Variants in CDNF observed in about 807,000 individuals in gnomAD.
CDNF encodes the protein ARMET-like protein 1.
CDNF carries 9 observed loss-of-function variants against 14.8 expected under a neutral mutation model. That is an observed-to-expected ratio of 0.61 (90% CI 0.37 to 1.06). CDNF has a LOEUF of 1.06. CDNF is among the 50% of genes least tolerant of loss of function. The probability of loss-of-function intolerance (pLI) is 0.01; values close to 1 mark genes in which losing one functional copy is unlikely to be tolerated. For missense variants in CDNF, 228 were observed against 228.4 expected, an observed-to-expected ratio of 1.00 and a Z score of 0.01; for synonymous variants, 86 against 87.2, an observed-to-expected ratio of 0.99 and a Z score of 0.07.
In CDNF at chr10:14,837,863, C is replaced by T. The variant is rs768648693; in HGVS notation, c.84G>A (p.Glu28=). The T allele has an allele frequency of 3.1e-6, 5 of 1,603,354 alleles. No individual in the cohort carries two copies. Among genetic ancestry groups the T allele is most frequent in the African/African-American group, 2.7e-5 (2 of 74,808 alleles). The change falls in exon 1 of 4, where the codon GAG becomes GAA. Residue 28 remains glutamate, a synonymous_variant. Coordinates refer to ENST00000465530, the MANE Select transcript of CDNF (RefSeq NM_001029954.3). ...VSHPVLTQGQ[E]AGGRPGADCE... ...AGTCGGCCCCTGGCCGCCCCCCGGC[C>T]TCCTGGCCCTGCGTCAGCACCGGGT...
At chr10:14,827,472 G>A (rs879603023) in intron 2 of CDNF, among the ~76,000 whole-genome samples, 2 of 152,148 alleles carry the variant, frequency 1.3e-5, no homozygotes, top group Non-Finnish European at 2.9e-5. Flanking sequence ...TATTAATTAT[G>A]TATAAATAAT....
intron 1 of CDNF, among the ~76,000 whole-genome samples, chr10:14,833,278 C>A (rs559370427): frequency 2.8e-4 from 43 of 152,252 alleles, no homozygotes; most frequent in African/African-American, 9.9e-4. Context: ...GCAGATTGGC[C>A]TCCATAATGT....
intron 3 of CDNF, among the ~76,000 whole-genome samples, chr10:14,822,265 A>G (rs1833743918): frequency 1.3e-5 from 2 of 152,226 alleles, no homozygotes; most frequent in South Asian, 4.1e-4. Flanking sequence ...TTCGCTGTTT[A>G]TAGATTATGT....
chr10:14,824,605 CAAA>C (rs572648812), intron 3 of CDNF, among the ~76,000 whole-genome samples: 3 of 64,646 alleles, frequency 4.6e-5, no homozygotes, highest in African/African-American at 6.1e-5. Flanking sequence ...GACTTCCCCT[CAAA>C]AAAAAAAAAA....
intron 1 of CDNF, among the ~76,000 whole-genome samples, chr10:14,829,690 C>T (rs1024594267): frequency 3.3e-5 from 5 of 152,068 alleles, no homozygotes; most frequent in Admixed American, 6.6e-5. Context: ...AGTGCAATGG[C>T]GCAATCTCAA....
chr10:14,828,368 G>T, intron 1 of CDNF, 96 bp from the exon 2 acceptor site: 2 of 1,230,332 alleles, frequency 1.6e-6, no homozygotes, highest in South Asian at 1.4e-5. Flanking sequence ...TCTATATGGG[G>T]CTGGGCATGG....
At chr10:14,834,232 T>G (rs894900118) in intron 1 of CDNF, 1 of 151,972 alleles carries the variant, frequency 6.6e-6, no homozygotes, top group Non-Finnish European at 1.5e-5. Context: ...GTCCAGCTAC[T>G]CAGGAGGCTG....
In CDNF at chr10:14,822,346, A is replaced by C. The variant is rs147517260; in HGVS notation, c.386-2188T>G. Among the ~76,000 whole-genome samples the C allele has an allele frequency of 2.5e-3, 383 of 152,336 alleles. 1 individual carries two copies. Among genetic ancestry groups the C allele is most frequent in the African/African-American group, 8.6e-3 (357 of 41,572 alleles). On this transcript the variant is annotated intron_variant, in intron 3 of 3. Coordinates refer to ENST00000465530, the MANE Select transcript of CDNF (RefSeq NM_001029954.3). ...TTGAAAAAAAGCCCAAAATACAAAA[A>C]ATAATAAGCTCATCTGTAATATACC...
chr10:14,821,170 G>A (rs909016161), intron 3 of CDNF, among the ~76,000 whole-genome samples: 2 of 151,898 alleles, frequency 1.3e-5, no homozygotes, highest in Non-Finnish European at 2.9e-5. Flanking sequence ...AGCCACCCAG[G>A]CTGGAGTGCA....
intron 3 of CDNF, among the ~76,000 whole-genome samples, chr10:14,823,672 C>T (rs553596779): frequency 3.9e-5 from 6 of 152,256 alleles, no homozygotes; most frequent in African/African-American, 7.2e-5. Context: ...GGACTATAGG[C>T]GCTCAACACC....
intron 2 of CDNF, among the ~76,000 whole-genome samples, chr10:14,826,014 CAGA>C (rs1169199931): frequency 2.3e-4 from 21 of 92,836 alleles, no homozygotes; most frequent in East Asian, 1.1e-3. Context: ...GAAGCAGAAG[CAGA>C]AGAAGAAGAA....
chr10:14,821,142 TGAGACG>T (rs1403115455), intron 3 of CDNF, among the ~76,000 whole-genome samples: 1 of 152,078 alleles, frequency 6.6e-6, no homozygotes, highest in Non-Finnish European at 1.5e-5. Context: ...TTTTTTTTTT[TGAGACG>T]GAGTCTCGCT....
intron 1 of CDNF, 32 bp from the exon 2 acceptor site, chr10:14,828,304 A>T: frequency 6.2e-7 from 1 of 1,609,834 alleles, no homozygotes; most frequent in South Asian, 1.1e-5. Flanking sequence ...GTCTGCATGC[A>T]CAACTTAACC....
At chr10:14,826,095 A>AAGAAGAAGAAGAAGCAGCAGCAGC (rs1426555042) in intron 2 of CDNF, among the ~76,000 whole-genome samples, 1 of 87,542 alleles carries the variant, frequency 1.1e-5, no homozygotes, top group African/African-American at 5.1e-5. Flanking sequence ...GAAGAAGAAG[A>AAGAAGAAGAAGAAGCAGCAGCAGC]AGCAGCAGCA....
At chr10:14,834,755 C>T (rs1301977278) in intron 1 of CDNF, among the ~76,000 whole-genome samples, 1 of 152,058 alleles carries the variant, frequency 6.6e-6, no homozygotes, top group East Asian at 1.9e-4. Flanking sequence ...TGTGGGAAAA[C>T]AAAGGAGCGG....
intron 1 of CDNF, among the ~76,000 whole-genome samples, chr10:14,832,852 CTTTTTTTTTT>C (rs918887413): frequency 1.2e-5 from 1 of 80,496 alleles, no homozygotes; most frequent in Non-Finnish European, 2.3e-5. Context: ...TCTTTTTTTG[CTTTTTTTTTT>C]TTTTTTTTTT....
intron 2 of CDNF, among the ~76,000 whole-genome samples, chr10:14,825,880 G>A (rs1833775362): frequency 1.3e-5 from 2 of 151,630 alleles, no homozygotes; most frequent in African/African-American, 2.4e-5. Context: ...GAACCAAGGA[G>A]GTGGAGGTTG....
intron 3 of CDNF, among the ~76,000 whole-genome samples, chr10:14,823,772 CT>C (rs1460267887): frequency 1.3e-5 from 2 of 152,216 alleles, no homozygotes; most frequent in East Asian, 1.9e-4. Flanking sequence ...AATGATCCTC[CT>C]TTCTTGGCCT....
At chr10:14,834,130 C>T (rs886414115) in intron 1 of CDNF, 1 of 152,106 alleles carries the variant, frequency 6.6e-6, no homozygotes, top group African/African-American at 2.4e-5. Flanking sequence ...CGCTTGAGCT[C>T]AGGGGTTCAA....
Sources: allele counts gnomAD v4.1 joint callset (sites outside exome capture counted in the v4.1 genomes callset), GRCh38; gene constraint gnomAD v4.1.1; transcripts MANE v1.5; gene names NCBI Gene and HGNC (gene_info 2026-07-23, HGNC 2026-07-21).